ORC1: variants seen among roughly 807,000 people sequenced by gnomAD.
ORC1 encodes origin recognition complex subunit 1.
A neutral mutation model predicts 98.9 loss-of-function variants in ORC1; 61 were observed. The ratio of observed to expected loss-of-function variants is 0.62; its 90% confidence interval spans 0.50 to 0.76. The LOEUF is 0.76. Among genes scored for constraint, ORC1 ranks in the 30% least tolerant of loss-of-function variants. The probability of loss-of-function intolerance (pLI) is 0.00; values close to 1 mark genes in which losing one functional copy is unlikely to be tolerated. For synonymous variants in ORC1, 385 were observed against 406.9 expected (o/e 0.95, Z 0.65); for missense variants, 979 against 1,072.2 (o/e 0.91, Z 1.21).
Position 52,383,459 on chromosome 1 carries a change from C to G in ORC1, c.1974G>C (p.Leu658=). The change falls in exon 13 of 17, where the codon CTG becomes CTC. Residue 658 remains leucine, a synonymous_variant. Transcript: ENST00000371568. ...CCCGGTTCATCATGATTCGCTCTGG[C>G]AGGTCCATTGTGTTGGCAATTGCCA... is the stretch of plus-strand genomic sequence containing the variant. ...VVLAIANTMD[L]PERIMMNRVS... 1.9e-6 allele frequency: 3 copies of G among 1,613,230 alleles called. No individual in the cohort carries two copies. The highest frequency in any genetic ancestry group is 1.7e-5 in the Admixed American group (1 of 60,026).
At position 52,375,574 on chromosome 1, in the gene ORC1, C is replaced by T. The variant is rs387906828; in HGVS notation, c.2159G>A (p.Arg720Gln). The T allele has an allele frequency of 1.4e-4, 220 of 1,614,054 alleles. No individual in the cohort carries two copies. Among genetic ancestry groups the T allele is most frequent in the Non-Finnish European group, 1.8e-4 (215 of 1,180,028 alleles). ...ACGCCTGCAGATGTCCAGGCACCGTCGTGCATCTCCAGACAGTGCTGCTAC... is the reference window on the plus strand; with the variant it reads ...ACGCCTGCAGATGTCCAGGCACCGTTGTGCATCTCCAGACAGTGCTGCTAC... ...RKVAALSGDA[R>Q]RCLDICRRAT... Residue 720 changes from arginine to glutamine, a missense_variant, in exon 15 of 17, where the codon CGA becomes CAA. By Grantham distance (43) the Arg-to-Gln change is conservative. Transcript: ENST00000371568.
chr1:52,379,190 G>C (rs145912770), intron 14 of ORC1, among the ~76,000 whole-genome samples: 1,527 of 151,712 alleles, frequency 0.01, 21 homozygotes, highest in African/African-American at 0.035. Flanking sequence ...ATGCTCAGGA[G>C]TTAGTGGTGC....
chr1:52,402,126 C>A lies in ORC1; in HGVS notation c.95+3G>T. ...AGGACAACCAAAGGACCCCATCACT[C>A]ACCTATAGGTTTGGTAGTGCAGTTT... is the stretch of plus-strand genomic sequence containing the variant. On this transcript the variant is annotated splice_donor_region_variant and intron_variant, in intron 2 of 16. Coordinates refer to ENST00000371568, the MANE Select transcript of ORC1 (RefSeq NM_004153.4). The A allele has an allele frequency of 6.2e-7, 1 of 1,610,316 alleles. No individual in the cohort carries two copies. The highest frequency in any genetic ancestry group is 1.1e-5 in the South Asian group (1 of 90,996).
chr1:52,407,992 G>C (rs1363044339), upstream of ORC1, among the ~76,000 whole-genome samples: 1 of 152,266 alleles, frequency 6.6e-6, no homozygotes, highest in Admixed American at 6.5e-5. Context: ...GGAGGTGGAG[G>C]CTGCAGTGAA....
At chr1:52,402,468 T>C (rs1216110211) in intron 1 of ORC1, among the ~76,000 whole-genome samples, 1 of 152,150 alleles carries the variant, frequency 6.6e-6, no homozygotes, top group Non-Finnish European at 1.5e-5. Context: ...TCTCTTTCCA[T>C]CCAGGAAAAC....
intron 9 of ORC1, among the ~76,000 whole-genome samples, chr1:52,385,599 C>A (rs1208480426): frequency 6.6e-6 from 1 of 152,196 alleles, no homozygotes; most frequent in Admixed American, 6.5e-5. Flanking sequence ...AATCATCTTC[C>A]ATCCCTGCGG....
At chr1:52,408,891 C>T (rs1393736089), upstream of ORC1, 6 of 501,290 alleles carry the variant, frequency 1.2e-5, no homozygotes, top group Non-Finnish European at 2.1e-5. Flanking sequence ...CCCAGCCTGC[C>T]TCTGTCTGTC....
rs547722240 is a variant in ORC1, at chr1:52,379,443, C to A, written c.2133+2199G>T. On this transcript the variant is annotated intron_variant, in intron 14 of 16. Coordinates refer to ENST00000371568, the MANE Select transcript of ORC1 (RefSeq NM_004153.4). ...TATTTTTAGTAGAGACAGGGTTTCA[C>A]CCTGTTAGCCAGGATGGTCTCGATC... Among the ~76,000 whole-genome samples, 259 of 151,480 alleles carry A rather than the reference C, an allele frequency of 1.7e-3. No homozygotes were observed. In the Middle Eastern group the frequency reaches 0.017, roughly 10 times the overall value.
In ORC1 at chr1:52,385,169, A is replaced by G. The variant is rs770310076; in HGVS notation, c.1575T>C (p.His525=). 1.0e-5 allele frequency: 16 copies of G among 1,607,970 alleles called. No homozygotes were observed. The Admixed American group carries it at 2.7e-4, about 27-fold the overall frequency. Residue 525 remains histidine, a synonymous_variant, in exon 10 of 17, where the codon CAT becomes CAC. Transcript: ENST00000371568. ...TGCCTCACATGACTCACCCTCCGGT[A>G]TGGTCAAGGAGTTTGCTTTCCACAA... ...YNFVESKLLD[H]TGGCMYISGV...
rs1388209384 is a variant in ORC1 at position 52,373,273 on chromosome 1, G to C, written c.2494C>G (p.Leu832Val). The C allele has an allele frequency of 6.2e-7, 1 of 1,614,088 alleles. No homozygotes were observed. Among genetic ancestry groups the C allele is most frequent in the African/African-American group, 1.3e-5 (1 of 74,934 alleles). Residue 832 changes from leucine to valine, a missense_variant, in exon 17 of 17, where the codon CTG becomes GTG. Leu to Val is a conservative substitution (Grantham distance 32). Transcript: ENST00000371568. ...VCSHLGSCRL[L>V]LVEPSRNDLL... is the part of the protein sequence containing the mutation. ...TCGTTCCTGCTGGGCTCCACAAGCA[G>C]GAGGCGACAGGAGCCCAGGTGAGAA...
chr1:52,402,432 C>T (rs1336848967), intron 1 of ORC1, among the ~76,000 whole-genome samples: 4 of 152,218 alleles, frequency 2.6e-5, no homozygotes, highest in Non-Finnish European at 4.4e-5. Context: ...TTAGTATCAT[C>T]TGTGTCCATC....
At chr1:52,404,025 G>A (rs908186672) in intron 1 of ORC1, among the ~76,000 whole-genome samples, 1 of 152,212 alleles carries the variant, frequency 6.6e-6, no homozygotes, top group African/African-American at 2.4e-5. Flanking sequence ...CTTCCCCCCT[G>A]CAAACTCAGT....
intron 5 of ORC1, among the ~76,000 whole-genome samples, chr1:52,395,049 C>A (rs529348672): frequency 3.9e-5 from 6 of 152,260 alleles, no homozygotes; most frequent in African/African-American, 1.4e-4. Flanking sequence ...AAAACACATA[C>A]TGTACTATAG....
chr1:52,402,057 G>T, intron 2 of ORC1, 72 bp downstream of exon 2: 1 of 1,064,138 alleles, frequency 9.4e-7, no homozygotes, highest in Non-Finnish European at 1.5e-6. Flanking sequence ...AATTAGAACA[G>T]GCTAGATACA....
intron 4 of ORC1, 152 bp downstream of exon 4, chr1:52,397,533 G>T: frequency 1.3e-6 from 1 of 778,072 alleles, no homozygotes; most frequent in Non-Finnish European, 2.2e-6. Flanking sequence ...AATATCTGTT[G>T]AGATGAAACA....
Position 52,402,170 on chromosome 1 carries a change from G to A in ORC1, c.54C>T (p.Gly18=). ...GCAGTTTTCGATCCAACAAGGGCCT[G>A]CCAACCCATGAATAAGTTTTTCTGG... ...LKTRKTYSWV[G]RPLLDRKLHY... is the part of the protein sequence containing the mutation. The change falls in exon 2 of 17, where the codon GGC becomes GGT. Residue 18 remains glycine, a synonymous_variant. Coordinates refer to ENST00000371568, the MANE Select transcript of ORC1 (RefSeq NM_004153.4). 2 of 1,614,198 alleles carry A rather than the reference G, an allele frequency of 1.2e-6. No homozygotes were observed. Among genetic ancestry groups the A allele is most frequent in the African/African-American group, 2.7e-5 (2 of 75,042 alleles).
chr1:52,380,439 T>C (rs1647053482), intron 14 of ORC1, among the ~76,000 whole-genome samples: 1 of 152,224 alleles, frequency 6.6e-6, no homozygotes, highest in African/African-American at 2.4e-5. Context: ...CTTGCTCCTG[T>C]AATCCCAGCA....
rs995983377 is a variant in ORC1, at chr1:52,381,726, A to G, written c.2049T>C (p.Tyr683=). 7.4e-6 allele frequency: 12 copies of G among 1,613,520 alleles called. No homozygotes were observed. Among genetic ancestry groups the G allele is most frequent in the South Asian group, 2.2e-5 (2 of 91,070 alleles). The change falls in exon 14 of 17, where the codon TAT becomes TAC. Residue 683 remains tyrosine, a synonymous_variant. Transcript: ENST00000371568. The stretch of plus-strand genomic sequence containing the variant: ...ACCTTAGGATCTGCTGCAGCTGGCT[A>G]TATGTATAGGGCTGGAAGCACATCC... The part of the protein sequence containing the change: ...LTRMCFQPYT[Y]SQLQQILRSR...
chr1:52,393,426 G>A lies in ORC1; in HGVS notation c.1082+17C>T, dbSNP rs772404550. ...TGAAGGATTTCAATTTGCTCTGTGG[G>A]TAATGTCCCTGGTCACCTCTTTTTG... On this transcript the variant is annotated intron_variant, in intron 6 of 16. Coordinates refer to ENST00000371568, the MANE Select transcript of ORC1 (RefSeq NM_004153.4). The A allele has an allele frequency of 6.2e-7, 1 of 1,613,926 alleles. No homozygotes were observed. The highest frequency in any genetic ancestry group is 1.3e-5 in the African/African-American group (1 of 74,914).
Sources: allele counts gnomAD v4.1 joint callset (sites outside exome capture counted in the v4.1 genomes callset), GRCh38; gene constraint gnomAD v4.1.1; transcripts MANE v1.5; gene names NCBI Gene and HGNC (gene_info 2026-07-23, HGNC 2026-07-21).